The following KDELR1 variants were observed in gnomAD, a reference collection of about 807,000 sequenced individuals.
KDELR1 encodes ER lumen protein-retaining receptor 1.
Under a neutral mutation model 25.5 loss-of-function variants are expected in KDELR1, and 16 were observed. The ratio of observed to expected loss-of-function variants is 0.63; its 90% CI spans 0.43 to 0.95. KDELR1 has a LOEUF of 0.95. Among genes scored for constraint, KDELR1 ranks in the 40% least tolerant of loss-of-function variants. The pLI, the probability that KDELR1 is intolerant of heterozygous loss-of-function variation, is 0.00. For synonymous variants in KDELR1, 121 were observed against 115.0 expected (o/e 1.05, Z -0.33); for missense variants, 159 against 265.2 (o/e 0.60, Z 2.78).
At chr19:48,396,184 G>C (rs1156911944), upstream of KDELR1, among the ~76,000 whole-genome samples, 1 of 151,996 alleles carries the variant, frequency 6.6e-6, no homozygotes, top group African/African-American at 2.4e-5. Context: ...GAGGCGGGGG[G>C]AGCGGGGGGT....
In KDELR1 at chr19:48,384,923, G is replaced by A. The variant is rs1970484071; in HGVS notation, c.352-441C>T. 7.3e-6 allele frequency among the ~76,000 whole-genome samples: 1 copy of A among 136,290 alleles called. No individual in the cohort carries two copies. The highest frequency in any genetic ancestry group is 2.8e-5 in the African/African-American group (1 of 36,064). 89.4% of individuals were successfully genotyped at this position (136,290 alleles called of 152,430 possible). ...TTTTTTTGAGATGGAGTATCACTCT[G>A]TCACCCAGGCTGGAGTGCCATGGGG... is the stretch of plus-strand genomic sequence containing the variant. On this transcript the variant is annotated intron_variant, in intron 3 of 4. Coordinates refer to ENST00000330720, the MANE Select transcript of KDELR1 (RefSeq NM_006801.3). This position sits in a 1 kb window ranked among gnomAD's most constrained non-coding sequence, Gnocchi z 4.6.
In KDELR1 at chr19:48,383,188, G is replaced by A. The variant is rs1970469895; in HGVS notation, c.*105C>T. 3 of 1,196,370 alleles carry A rather than the reference G, an allele frequency of 2.5e-6. No individual in the cohort carries two copies. Among genetic ancestry groups the A allele is most frequent in the Non-Finnish European group, 3.6e-6 (3 of 826,088 alleles). 74.1% of individuals were successfully genotyped at this position (1,196,370 alleles called of 1,614,324 possible). ...AGGAGGCGGGATGGGGAGCACAAGA[G>A]GTGGGTTCTTAAAAAAGTCACCCCT... On this transcript the variant is annotated 3_prime_UTR_variant, in exon 5 of 5. Coordinates refer to ENST00000330720, the MANE Select transcript of KDELR1 (RefSeq NM_006801.3).
intron 3 of KDELR1, among the ~76,000 whole-genome samples, chr19:48,387,220 G>A (rs1271034881): frequency 2.6e-5 from 4 of 152,078 alleles, no homozygotes; most frequent in African/African-American, 9.7e-5. Flanking sequence ...TCAAGGGCTT[G>A]GATAAGTGAT....
chr19:48,389,247 G>C (rs1192897912), intron 3 of KDELR1, among the ~76,000 whole-genome samples: 1 of 152,180 alleles, frequency 6.6e-6, no homozygotes, highest in Non-Finnish European at 1.5e-5. Context: ...TCCAGTCTGG[G>C]CAACAGAGCG....
intron 4 of KDELR1, among the ~76,000 whole-genome samples, chr19:48,383,964 T>A (rs1374677383): frequency 6.6e-6 from 1 of 152,190 alleles, no homozygotes; most frequent in Non-Finnish European, 1.5e-5. Context: ...AATAAATGAA[T>A]GAATTTCAGT....
At chr19:48,390,551 G>GAGAGAGAGAGAC (rs753616328) in intron 1 of KDELR1, 27 bp from the exon 2 acceptor site, 1 of 1,278,508 alleles carries the variant, frequency 7.8e-7, no homozygotes. Flanking sequence ...GAGAAAGAGA[G>GAGAGAGAGAGAC]AGAGAGAGAG....
upstream of KDELR1, among the ~76,000 whole-genome samples, chr19:48,396,451 G>A (rs371036935): frequency 1.1e-4 from 16 of 152,170 alleles, no homozygotes; most frequent in East Asian, 2.7e-3. Flanking sequence ...GTCTGGGAGA[G>A]GCAGAGGAGG....
chr19:48,386,073 CAG>C (rs1271458972), intron 3 of KDELR1, among the ~76,000 whole-genome samples: 1 of 151,260 alleles, frequency 6.6e-6, no homozygotes, highest in Admixed American at 6.6e-5. Context: ...CCTTAGGGAA[CAG>C]AGTCACCGTT....
chr19:48,390,601 CAG>C, intron 1 of KDELR1, 77 bp from the exon 2 acceptor site: 1 of 1,092,902 alleles, frequency 9.1e-7, no homozygotes, highest in Non-Finnish European at 1.4e-6. Context: ...GACAGACAGA[CAG>C]AAGGAGAGAG....
At position 48,383,288 on chromosome 19, in the gene KDELR1, C is replaced by T. The variant is rs567654708; in HGVS notation, c.*5G>A. The stretch of plus-strand genomic sequence containing the variant: ...TGCCGAGGAGAGAGATGGAGAGGAC[C>T]GGGGCTATGCCGGCAAACTCAACTT... On this transcript the variant is annotated 3_prime_UTR_variant, in exon 5 of 5. Coordinates refer to ENST00000330720, the MANE Select transcript of KDELR1 (RefSeq NM_006801.3). 3.2e-6 allele frequency: 5 copies of T among 1,551,952 alleles called. No individual in the cohort carries two copies. Among genetic ancestry groups the T allele is most frequent in the East Asian group, 4.9e-5 (2 of 41,002 alleles).
Position 48,391,063 on chromosome 19 carries a change from A to T in KDELR1, c.91+205T>A, listed in dbSNP as rs183319892. The stretch of plus-strand genomic sequence containing the variant: ...GTGGCTGAATTGGGGGCCTAAAGCC[A>T]TTCACATGAAACTGTATGCACCCCC... On this transcript the variant is annotated intron_variant, in intron 1 of 4. Transcript: ENST00000330720. Among the ~76,000 whole-genome samples the T allele has an allele frequency of 5.7e-3, 871 of 152,168 alleles. 3 individuals are homozygous for T. Among genetic ancestry groups the T allele is most frequent in the Middle Eastern group, 0.014 (4 of 294 alleles).
chr19:48,383,183 C>A lies in KDELR1; in HGVS notation c.*110G>T. On this transcript the variant is annotated 3_prime_UTR_variant, in exon 5 of 5. Coordinates refer to ENST00000330720, the MANE Select transcript of KDELR1 (RefSeq NM_006801.3). ...CCGGCAGGAGGCGGGATGGGGAGCACAAGAGGTGGGTTCTTAAAAAAGTCA... is the reference window on the plus strand; with the variant it reads ...CCGGCAGGAGGCGGGATGGGGAGCAAAAGAGGTGGGTTCTTAAAAAAGTCA... 1 of 1,165,176 alleles carries A rather than the reference C, an allele frequency of 8.6e-7. No individual in the cohort carries two copies. The highest frequency in any genetic ancestry group is 1.3e-5 in the South Asian group (1 of 75,360). 72.2% of individuals were successfully genotyped at this position (1,165,176 alleles called of 1,614,324 possible).
At chr19:48,397,372 A>C in the KDELR1 span, among the ~76,000 whole-genome samples, 2 of 148,292 alleles carry the variant, frequency 1.3e-5, no homozygotes, top group African/African-American at 5.0e-5. Flanking sequence ...CCCTCCTGCC[A>C]CTCGCCTTCC....
At chr19:48,388,192 C>T (rs1437814988) in intron 3 of KDELR1, among the ~76,000 whole-genome samples, 1 of 152,130 alleles carries the variant, frequency 6.6e-6, no homozygotes, top group Non-Finnish European at 1.5e-5. Context: ...GTGATTTGCC[C>T]AGAATCCCAT....
At position 48,384,232 on chromosome 19, in the gene KDELR1, T is replaced by C. The variant is rs1162656079; in HGVS notation, c.602A>G (p.Lys201Arg). 1 of 1,613,502 alleles carries C rather than the reference T, an allele frequency of 6.2e-7. No individual in the cohort carries two copies. Residue 201 changes from lysine (K) to arginine (R), a missense_variant and splice_region_variant, in exon 4 of 5, where the codon AAA becomes AGA. Transcript: ENST00000330720. The surrounding 1 kb of genome is among the most constrained non-coding windows in gnomAD (Gnocchi z 4.6). ...YCDFFYLYIT[K>R]VLKGKKLSLP... ...CAGCCGTCCCACATTCCAGCTACCT[T>C]TGGTGATATAGAGGTAGAAGAAATC...
At chr19:48,391,234 C>T (rs1340456224) in intron 1 of KDELR1, 34 bp downstream of exon 1, 1 of 1,542,294 alleles carries the variant, frequency 6.5e-7, no homozygotes, top group Admixed American at 2.0e-5. Flanking sequence ...CGCCCGCAAT[C>T]TCTCTCCTTC....
Position 48,391,498 on chromosome 19 carries a change from A to C in KDELR1, c.-140T>G, listed in dbSNP as rs1970552397. On this transcript the variant is annotated 5_prime_UTR_variant, in exon 1 of 5. Coordinates refer to ENST00000330720, the MANE Select transcript of KDELR1 (RefSeq NM_006801.3). Reference sequence around the variant, plus strand: ...AGGTGCGCTCCGCTCCGGGGAGGGGACTTTGGGAGGGGGAGCAAAGGCTGG... The same window carrying C: ...AGGTGCGCTCCGCTCCGGGGAGGGGCCTTTGGGAGGGGGAGCAAAGGCTGG... 1 of 653,212 alleles carries C rather than the reference A, an allele frequency of 1.5e-6. No individual in the cohort carries two copies. The highest frequency in any genetic ancestry group is 2.8e-5 in the East Asian group (1 of 35,660). The allele number at this position is 653,212 out of a possible 1,614,324, so 40.5% of individuals were successfully genotyped here.
chr19:48,390,589 C>CAG, intron 1 of KDELR1, 65 bp from the exon 2 acceptor site: 1 of 941,584 alleles, frequency 1.1e-6, no homozygotes, highest in Non-Finnish European at 1.6e-6. Context: ...GACAGACAGA[C>CAG]AGACAGACAG....
upstream of KDELR1, among the ~76,000 whole-genome samples, chr19:48,393,835 C>T (rs374411848): frequency 5.3e-5 from 8 of 152,144 alleles, no homozygotes; most frequent in East Asian, 1.6e-3. This position sits in a 1 kb window ranked among gnomAD's most constrained non-coding sequence, Gnocchi z 5.6. Flanking sequence ...CGGCCCGGCC[C>T]CCAGGGGTCT....
Sources: gnomAD v4.1 joint callset for allele counts (sites outside exome capture counted in the v4.1 genomes callset) on GRCh38, gnomAD v4.1.1 for gene constraint, Gnocchi (gnomAD v3.1) non-coding constraint, MANE v1.5 for transcripts, NCBI Gene and HGNC (gene_info 2026-07-23, HGNC 2026-07-21) for gene names.